The following NWD1 variants were observed in gnomAD, a reference collection of about 807,000 sequenced individuals.
NWD1 encodes NACHT domain- and WD repeat-containing protein 1.
Under a neutral mutation model 135.1 loss-of-function variants are expected in NWD1, and 129 were observed. The ratio of observed to expected loss-of-function variants is 0.96; its 90% CI spans 0.83 to 1.11. The LOEUF (loss-of-function observed/expected upper bound fraction) is 1.11. Among genes scored for constraint, NWD1 ranks in the 50% least tolerant of loss-of-function variants. NWD1 has a pLI of 0.00. For missense variants in NWD1, 1,740 were observed against 1,851.3 expected (o/e 0.94, Z 1.10); for synonymous variants, 773 against 786.0 (o/e 0.98, Z 0.28).
rs753480089 is a variant in NWD1 at position 16,749,824 on chromosome 19, C to T, written c.1182C>T (p.Cys394=). The part of the protein sequence containing the change: ...GLLKSICFQV[C]LAYGLPLPPA... ...TGAAGAGCATCTGCTTCCAGGTGTGCCTGGCCTATGGGCTGCCCTTGCCCC... is the reference window on the plus strand; with the variant it reads ...TGAAGAGCATCTGCTTCCAGGTGTGTCTGGCCTATGGGCTGCCCTTGCCCC... Residue 394 remains cysteine (C), a synonymous_variant, in exon 6 of 19, where the codon TGC becomes TGT. Transcript: ENST00000524140. 6.2e-6 allele frequency: 10 copies of T among 1,608,830 alleles called. No individual in the cohort carries two copies. The highest frequency in any genetic ancestry group is 8.5e-6 in the Non-Finnish European group (10 of 1,177,394).
chr19:16,726,183 A>T (rs1025509066), intron 2 of NWD1, among the ~76,000 whole-genome samples: 2 of 152,086 alleles, frequency 1.3e-5, no homozygotes, highest in Middle Eastern at 3.4e-3. Context: ...GCTGGTCTCG[A>T]ACTCTTGACC....
intron 2 of NWD1, among the ~76,000 whole-genome samples, chr19:16,728,281 CTTTTTTTTT>C (rs397859118): frequency 8.3e-6 from 1 of 119,906 alleles, no homozygotes; most frequent in Admixed American, 9.1e-5. Flanking sequence ...GGTCACTGCT[CTTTTTTTTT>C]TTTTTTTTTT....
chr19:16,723,722 T>C (rs750657013), intron 1 of NWD1, among the ~76,000 whole-genome samples: 1 of 152,212 alleles, frequency 6.6e-6, no homozygotes, highest in South Asian at 2.1e-4. Context: ...TGTTTTGAGA[T>C]GGACTGTCCC....
In NWD1 at chr19:16,734,734, C is replaced by T. The variant is rs970151404; in HGVS notation, c.82-1900C>T. On this transcript the variant is annotated intron_variant, in intron 3 of 18. Transcript: ENST00000524140. ...TACAGGCACACACCACTACACCTGG[C>T]TATTTATTTATTTATTTATTTATTT... Among the ~76,000 whole-genome samples the T allele has an allele frequency of 8.4e-4, 119 of 141,790 alleles. 2 individuals carry two copies. The highest frequency in any genetic ancestry group is 3.1e-3 in the African/African-American group (117 of 37,520). The allele number at this position is 141,790 out of a possible 152,430, so 93.0% of individuals were successfully genotyped here. A position where few individuals can be genotyped will look rare whatever the true frequency, so the allele number is the denominator to read the frequency against.
At chr19:16,801,068 G>T (rs1398296961) in intron 17 of NWD1, among the ~76,000 whole-genome samples, 1 of 151,692 alleles carries the variant, frequency 6.6e-6, no homozygotes, top group Non-Finnish European at 1.5e-5. Context: ...ACTTGAGGTC[G>T]GGAGTTCGAG....
At chr19:16,720,567 T>G (rs4808524) in intron 1 of NWD1, among the ~76,000 whole-genome samples, 1 of 151,896 alleles carries the variant, frequency 6.6e-6, no homozygotes, top group East Asian at 1.9e-4. Flanking sequence ...GGAGACTTTT[T>G]TTTTTTTGAG....
intron 13 of NWD1, among the ~76,000 whole-genome samples, chr19:16,790,234 G>A (rs1970194953): frequency 6.6e-6 from 1 of 152,050 alleles, no homozygotes; most frequent in Non-Finnish European, 1.5e-5. Flanking sequence ...AGTGACCTTG[G>A]TTGTGTCATT....
intron 6 of NWD1, among the ~76,000 whole-genome samples, chr19:16,753,969 C>T (rs934569302): frequency 1.3e-5 from 2 of 151,616 alleles, no homozygotes; most frequent in African/African-American, 2.4e-5. Context: ...TAAATTCCAT[C>T]TATCCTTCCA....
intron 15 of NWD1, among the ~76,000 whole-genome samples, chr19:16,794,760 T>G (rs1970365220): frequency 6.6e-6 from 1 of 152,212 alleles, no homozygotes; most frequent in South Asian, 2.1e-4. Flanking sequence ...GTACATAAAC[T>G]AGCATAGACA....
At chr19:16,759,979 C>T (rs1261042562) in intron 7 of NWD1, among the ~76,000 whole-genome samples, 5 of 151,742 alleles carry the variant, frequency 3.3e-5, no homozygotes, top group South Asian at 2.1e-4. Flanking sequence ...GGCAACAGAG[C>T]GAGACTCCAT....
intron 12 of NWD1, among the ~76,000 whole-genome samples, chr19:16,787,406 A>G (rs370139689): frequency 2.6e-5 from 4 of 152,290 alleles, no homozygotes; most frequent in East Asian, 1.9e-4. Context: ...CTGAATCTTT[A>G]TAAAACTCAA....
chr19:16,743,483 C>T (rs1338763360), intron 4 of NWD1, among the ~76,000 whole-genome samples: 1 of 152,152 alleles, frequency 6.6e-6, no homozygotes, highest in African/African-American at 2.4e-5. Context: ...GTTGGGATTA[C>T]AGGCGTGAGC....
chr19:16,762,243 ACTT>A, intron 8 of NWD1, 105 bp downstream of exon 8: 1 of 981,096 alleles, frequency 1.0e-6, no homozygotes. Flanking sequence ...CTCCCGACCT[ACTT>A]CTCCTTTCCG....
At chr19:16,768,562 T>C (rs2122925003) in intron 10 of NWD1, among the ~76,000 whole-genome samples, 1 of 148,562 alleles carries the variant, frequency 6.7e-6, no homozygotes, top group African/African-American at 2.5e-5. Flanking sequence ...AATATCTTTT[T>C]CTCTACCCTT....
In NWD1 at chr19:16,749,365, C is replaced by G. The variant is rs1179445030; in HGVS notation, c.723C>G (p.Thr241=). ...ACATGCACCCAGGGGTCCTCAAGAC[C>G]CACCGCCTGCCGTGGAGCCGCGACT... ...ITDMHPGVLK[T]HRLPWSRDLV... Residue 241 remains threonine, a synonymous_variant, in exon 6 of 19, where the codon ACC becomes ACG. Coordinates refer to ENST00000524140, the MANE Select transcript of NWD1 (RefSeq NM_001007525.5). 2 of 1,613,636 alleles carry G rather than the reference C, an allele frequency of 1.2e-6. No individual in the cohort carries two copies. The highest frequency in any genetic ancestry group is 1.1e-5 in the South Asian group (1 of 91,048).
At position 16,749,546 on chromosome 19, in the gene NWD1, C is replaced by A; in HGVS notation, c.904C>A (p.Leu302Ile). 1.2e-6 allele frequency: 2 copies of A among 1,613,112 alleles called. No individual in the cohort carries two copies. Among genetic ancestry groups the A allele is most frequent in the Non-Finnish European group, 1.7e-6 (2 of 1,179,162 alleles). Residue 302 changes from leucine to isoleucine, a missense_variant, in exon 6 of 19, where the codon CTT becomes ATT. Physicochemically the swap from Leu to Ile is conservative, Grantham distance 5. Coordinates refer to ENST00000524140, the MANE Select transcript of NWD1 (RefSeq NM_001007525.5). ...GCTCTACCAAGAGATCCGCCACCACCTTTGGCAGAGCTCGGAGGTCATTCA... is the reference window on the plus strand; with the variant it reads ...GCTCTACCAAGAGATCCGCCACCACATTTGGCAGAGCTCGGAGGTCATTCA... ...AWLYQEIRHH[L>I]WQSSEVIQTF...
intron 12 of NWD1, among the ~76,000 whole-genome samples, chr19:16,785,015 C>T (rs546627623): frequency 6.6e-6 from 1 of 151,226 alleles, no homozygotes; most frequent in South Asian, 2.1e-4. Context: ...TATGAAATGT[C>T]CAGAACAGAC....
intron 11 of NWD1, among the ~76,000 whole-genome samples, chr19:16,775,925 C>A (rs950615659): frequency 1.3e-5 from 2 of 152,180 alleles, no homozygotes; most frequent in Non-Finnish European, 2.9e-5. Flanking sequence ...CCTTGGCCTC[C>A]CAAAGTGCTG....
In NWD1 at chr19:16,807,853, T is replaced by C. The variant is rs755006819; in HGVS notation, c.4004T>C (p.Val1335Ala). 1.2e-6 allele frequency: 2 copies of C among 1,613,994 alleles called. No individual in the cohort carries two copies. Among genetic ancestry groups the C allele is most frequent in the South Asian group, 2.2e-5 (2 of 91,084 alleles). ...ATCACCTCCGGGGACCCCTGCCCGG[T>C]CATCGATGGGCCAAGATACACCTTT... ...LDITSGDPCPVIDGPRYTFYT... is the reference protein window; with the variant it reads ...LDITSGDPCPAIDGPRYTFYT... The change falls in exon 18 of 19, where the codon GTC (valine) becomes GCC (alanine). Residue 1335 changes from valine (V) to alanine (A), a missense_variant. By Grantham distance (64) the Val-to-Ala change is moderately conservative. Transcript: ENST00000524140.
Sources: gnomAD v4.1 joint callset for allele counts (sites outside exome capture counted in the v4.1 genomes callset) on GRCh38, gnomAD v4.1.1 for gene constraint, MANE v1.5 for transcripts, NCBI Gene and HGNC (gene_info 2026-07-23, HGNC 2026-07-21) for gene names.